RAVER2: variants seen among roughly 807,000 people sequenced by gnomAD.
The protein encoded by RAVER2 is ribonucleoprotein, PTB binding 2.
RAVER2 carries 46 observed loss-of-function variants against 78.1 expected under a neutral mutation model. That is an observed-to-expected ratio of 0.59 (90% CI 0.46 to 0.75). The LOEUF is 0.75. RAVER2 is among the 30% of genes least tolerant of loss of function. RAVER2 has a pLI of 0.00. For synonymous variants in RAVER2, 311 were observed against 313.3 expected (o/e 0.99, Z 0.08); for missense variants, 793 against 837.5 (o/e 0.95, Z 0.66).
chr1:64,808,144 A>G (rs935474292), intron 9 of RAVER2, among the ~76,000 whole-genome samples: 1 of 152,170 alleles, frequency 6.6e-6, no homozygotes, highest in Non-Finnish European at 1.5e-5. Flanking sequence ...TCTCTCTTTT[A>G]ATTCTGGAAG....
intron 4 of RAVER2, among the ~76,000 whole-genome samples, chr1:64,781,858 G>A (rs1652638528): frequency 6.6e-6 from 1 of 152,032 alleles, no homozygotes; most frequent in Non-Finnish European, 1.5e-5. Flanking sequence ...AGTTCCTCTT[G>A]TGTTATAAAT....
chr1:64,821,918 C>T (rs12023363), intron 11 of RAVER2, among the ~76,000 whole-genome samples: 30,014 of 152,076 alleles, frequency 0.2, 3,178 homozygotes, highest in East Asian at 0.28. Context: ...ATAGAAACTG[C>T]CCATAAGGAA....
At position 64,760,657 on chromosome 1, in the gene RAVER2, T is replaced by G. The variant is rs1244427433; in HGVS notation, c.250-7999T>G. 2.0e-5 allele frequency among the ~76,000 whole-genome samples: 3 copies of G among 152,136 alleles called. No individual in the cohort carries two copies. The South Asian group carries it at 6.2e-4, about 32-fold the overall frequency. On this transcript the variant is annotated intron_variant, in intron 1 of 11. Transcript: ENST00000294428. ...TAGGGCATGTTAGGGAATTTGGATT[T>G]TATTTAATGGGATATATTTAAACAA...
At chr1:64,824,961 T>TAAAAAAAAAAAAAAAAAAAAAAG (rs1653974929) in intron 11 of RAVER2, among the ~76,000 whole-genome samples, 1 of 104,836 alleles carries the variant, frequency 9.5e-6, no homozygotes, top group African/African-American at 5.8e-5. Flanking sequence ...AAAAAAAAAT[T>TAAAAAAAAAAAAAAAAAAAAAAG]AGTGCTGTGC....
At chr1:64,821,060 C>T (rs1044290235) in intron 11 of RAVER2, among the ~76,000 whole-genome samples, 4 of 152,184 alleles carry the variant, frequency 2.6e-5, no homozygotes, top group African/African-American at 9.7e-5. Context: ...ACAACCTCGC[C>T]AGCATCTGCT....
At chr1:64,757,809 A>C (rs1436283083) in intron 1 of RAVER2, among the ~76,000 whole-genome samples, 1 of 152,236 alleles carries the variant, frequency 6.6e-6, no homozygotes, top group African/African-American at 2.4e-5. Flanking sequence ...ATTTCTATTG[A>C]AAGTAATGTG....
intron 9 of RAVER2, among the ~76,000 whole-genome samples, chr1:64,811,471 G>A (rs533609438): frequency 9.2e-5 from 14 of 152,266 alleles, no homozygotes; most frequent in African/African-American, 3.4e-4. Context: ...AAGAAACAAT[G>A]TCATGACATT....
chr1:64,750,501 C>T (rs575537483), intron 1 of RAVER2, among the ~76,000 whole-genome samples: 22 of 151,802 alleles, frequency 1.4e-4, no homozygotes, highest in East Asian at 5.8e-4. Context: ...TGTAGAGACA[C>T]GGTCTCTCTA....
chr1:64,787,872 A>C (rs1176582445), intron 4 of RAVER2, among the ~76,000 whole-genome samples: 1 of 151,998 alleles, frequency 6.6e-6, no homozygotes, highest in Non-Finnish European at 1.5e-5. Context: ...CACATCTTCT[A>C]TCTCCCCAGG....
At chr1:64,758,614 C>CTTCA (rs1192892074) in intron 1 of RAVER2, among the ~76,000 whole-genome samples, 1 of 152,124 alleles carries the variant, frequency 6.6e-6, no homozygotes, top group African/African-American at 2.4e-5. Context: ...AAAATAGGGA[C>CTTCA]TTCAGTCCTA....
chr1:64,781,501 A>G (rs1028870835), exon 4 of RAVER2: 1 of 1,614,176 alleles, frequency 6.2e-7, no homozygotes, highest in Non-Finnish European at 8.5e-7. Flanking sequence ...AGCAAAGTCC[A>G]GGTTTCCTTC....
chr1:64,784,783 A>AT (rs1370338413), intron 4 of RAVER2, among the ~76,000 whole-genome samples: 1 of 152,204 alleles, frequency 6.6e-6, no homozygotes, highest in Admixed American at 6.5e-5. Flanking sequence ...GTTAATCGTG[A>AT]TTGGTCTCCC....
chr1:64,800,329 T>G (rs1053763008), intron 5 of RAVER2, among the ~76,000 whole-genome samples: 1 of 152,216 alleles, frequency 6.6e-6, no homozygotes, highest in Non-Finnish European at 1.5e-5. Context: ...TTGTTGCCTG[T>G]GCTTGTGAAG....
intron 1 of RAVER2, among the ~76,000 whole-genome samples, chr1:64,747,090 C>A (rs916976200): frequency 6.6e-6 from 1 of 152,094 alleles, no homozygotes; most frequent in Admixed American, 6.5e-5. Flanking sequence ...TCGCAATAGA[C>A]ATGAAAAATA....
Position 64,768,648 on chromosome 1 carries a change from T to C in RAVER2, c.250-8T>C. The C allele has an allele frequency of 1.3e-6, 2 of 1,536,846 alleles. No individual in the cohort carries two copies. The highest frequency in any genetic ancestry group is 1.4e-5 in the African/African-American group (1 of 72,998). On this transcript the variant is annotated splice_region_variant and splice_polypyrimidine_tract_variant and intron_variant, in intron 1 of 11. Transcript: ENST00000294428. ...TGTTTACTGAATTCGTGTTTTTTTC[T>C]CTTTCAGGAAGTTCATGATTTGTTA...
chr1:64,818,844 T>G (rs989320377), intron 11 of RAVER2, among the ~76,000 whole-genome samples: 2 of 152,180 alleles, frequency 1.3e-5, no homozygotes, highest in African/African-American at 2.4e-5. Flanking sequence ...AAAATCTATG[T>G]GTAAACTTAA....
intron 4 of RAVER2, among the ~76,000 whole-genome samples, chr1:64,783,540 G>A (rs1468951623): frequency 6.6e-6 from 1 of 152,154 alleles, no homozygotes; most frequent in Non-Finnish European, 1.5e-5. Context: ...CTTTTGAGAA[G>A]AAGACATTTG....
At chr1:64,754,456 A>G (rs1051811488) in intron 1 of RAVER2, among the ~76,000 whole-genome samples, 4 of 152,260 alleles carry the variant, frequency 2.6e-5, no homozygotes, top group East Asian at 3.9e-4. Context: ...CTAAAATGCT[A>G]TATTTCCATT....
At chr1:64,750,459 C>T (rs1466569778) in intron 1 of RAVER2, among the ~76,000 whole-genome samples, 1 of 152,024 alleles carries the variant, frequency 6.6e-6, no homozygotes, top group Non-Finnish European at 1.5e-5. Context: ...TAGGCATGCA[C>T]CACTGTGTCC....
Sources: allele counts gnomAD v4.1 joint callset (sites outside exome capture counted in the v4.1 genomes callset), GRCh38; gene constraint gnomAD v4.1.1; transcripts MANE v1.5; gene names NCBI Gene and HGNC (gene_info 2026-07-23, HGNC 2026-07-21).